Variants in WWTR1 observed in about 807,000 individuals in gnomAD.
The protein encoded by WWTR1 is WW domain-containing transcription regulator protein 1.
In WWTR1, 13 loss-of-function variants were observed where a neutral mutation model predicts 40.1. That is an observed-to-expected ratio of 0.32 (90% CI 0.21 to 0.52). WWTR1 has a LOEUF of 0.52. WWTR1 is among the 20% of genes least tolerant of loss of function. The pLI is 0.97. For synonymous variants in WWTR1, 230 were observed against 210.1 expected, an observed-to-expected ratio of 1.09 and a Z score of -0.82; for missense variants, 436 against 523.1, an observed-to-expected ratio of 0.83 and a Z score of 1.63.
At chr3:149,669,070 GTCCAAGTTTT>G (rs1240458103) in intron 2 of WWTR1, among the ~76,000 whole-genome samples, 1 of 152,158 alleles carries the variant, frequency 6.6e-6, no homozygotes, top group Non-Finnish European at 1.5e-5. Flanking sequence ...TTTGTACAGA[GTCCAAGTTTT>G]TACCTTTAGT....
chr3:149,662,375 G>T (rs1190341983), upstream of WWTR1, among the ~76,000 whole-genome samples: 1 of 152,114 alleles, frequency 6.6e-6, no homozygotes. Flanking sequence ...GCACACTCCT[G>T]CTGATAGATA....
chr3:149,522,921 CCAG>C (rs561084147), intron 6 of WWTR1, among the ~76,000 whole-genome samples: 1 of 151,940 alleles, frequency 6.6e-6, no homozygotes, highest in East Asian at 1.9e-4. Context: ...AAAAACAGTG[CCAG>C]GCATGGTGGC....
chr3:149,696,464 A>G (rs1714995489), intron 1 of WWTR1, among the ~76,000 whole-genome samples: 1 of 152,132 alleles, frequency 6.6e-6, no homozygotes, highest in African/African-American at 2.4e-5. Flanking sequence ...CCCCATTTTG[A>G]CCCCATTTTT....
intron 2 of WWTR1, among the ~76,000 whole-genome samples, chr3:149,590,315 C>G (rs1738633237): frequency 6.6e-6 from 1 of 152,050 alleles, no homozygotes; most frequent in Non-Finnish European, 1.5e-5. Flanking sequence ...ATGATCTTAA[C>G]TTGATCATTA....
intron 3 of WWTR1, among the ~76,000 whole-genome samples, chr3:149,546,418 T>A (rs938604588): frequency 6.6e-6 from 1 of 152,216 alleles, no homozygotes; most frequent in East Asian, 1.9e-4. Context: ...TTCCAATGTT[T>A]CTTAGAGATC....
intron 3 of WWTR1, among the ~76,000 whole-genome samples, chr3:149,545,511 C>T (rs1736324081): frequency 6.6e-6 from 1 of 152,058 alleles, no homozygotes; most frequent in Admixed American, 6.6e-5. Context: ...AGGTTGTTAA[C>T]CCTATGTTGT....
At chr3:149,656,079 A>C (rs1224172872) in intron 2 of WWTR1, among the ~76,000 whole-genome samples, 2 of 152,232 alleles carry the variant, frequency 1.3e-5, no homozygotes, top group African/African-American at 4.8e-5. Context: ...TTAGGGTACC[A>C]CAATTGAAAC....
intron 2 of WWTR1, among the ~76,000 whole-genome samples, chr3:149,603,313 A>C (rs764433476): frequency 1.7e-4 from 26 of 152,326 alleles, no homozygotes; most frequent in South Asian, 1.7e-3. Flanking sequence ...AGCTGGGCAG[A>C]GACATAAAGG....
At chr3:149,641,208 G>A (rs1316340579) in intron 2 of WWTR1, among the ~76,000 whole-genome samples, 1 of 151,886 alleles carries the variant, frequency 6.6e-6, no homozygotes, top group Non-Finnish European at 1.5e-5. Flanking sequence ...ATGATCTTTC[G>A]CTTCAGCTGA....
intron 4 of WWTR1, among the ~76,000 whole-genome samples, chr3:149,538,143 C>T (rs1735918027): frequency 6.6e-6 from 1 of 152,170 alleles, no homozygotes; most frequent in African/African-American, 2.4e-5. Flanking sequence ...TGGTCTCGAA[C>T]TCCTGACCTC....
chr3:149,574,276 G>T (rs913084218), intron 2 of WWTR1, among the ~76,000 whole-genome samples: 1 of 152,094 alleles, frequency 6.6e-6, no homozygotes, highest in African/African-American at 2.4e-5. Flanking sequence ...CTGAGCTCAA[G>T]TGATCCTCCC....
chr3:149,656,271 T>C (rs1713198753), intron 2 of WWTR1, among the ~76,000 whole-genome samples: 2 of 152,208 alleles, frequency 1.3e-5, no homozygotes, highest in African/African-American at 2.4e-5. Context: ...CTCCTAACAA[T>C]TTCCACACGA....
intron 4 of WWTR1, among the ~76,000 whole-genome samples, chr3:149,530,329 CAAAGCGAGACTCTGTCTCAAAAAAAGAAA>C (rs1735509830): frequency 6.8e-6 from 1 of 146,082 alleles, no homozygotes; most frequent in South Asian, 2.3e-4. Context: ...GCCTGGGCGA[CAAAGCGAGACTCTGTCTCAAAAAAAGAAA>C]AAAAAAATAC....
intron 3 of WWTR1, among the ~76,000 whole-genome samples, chr3:149,560,657 T>G (rs1449649369): frequency 6.6e-6 from 1 of 152,204 alleles, no homozygotes; most frequent in Admixed American, 6.5e-5. Context: ...TTTTTTTAAC[T>G]TTCTTTCTTT....
chr3:149,666,809 G>A (rs1713841090), intron 2 of WWTR1, among the ~76,000 whole-genome samples: 1 of 152,178 alleles, frequency 6.6e-6, no homozygotes, highest in South Asian at 2.1e-4. Context: ...TATTTCTTCT[G>A]TAGTTTCCTA....
At position 149,519,167 on chromosome 3, in the gene WWTR1, ATGCAGGCAGAC is replaced by A. The variant is rs1734924328; in HGVS notation, c.*1627_*1637del. 6.6e-6 allele frequency: 1 copy of A among 152,242 alleles called. No individual in the cohort carries two copies. The highest frequency in any genetic ancestry group is 6.5e-5 in the Admixed American group (1 of 15,282). The allele number at this position is 152,242 out of a possible 1,614,324, so 9.4% of individuals were successfully genotyped here. A position where few individuals can be genotyped will look rare whatever the true frequency, so the allele number is the denominator to read the frequency against. On this transcript the variant is annotated 3_prime_UTR_variant, in exon 7 of 7. Coordinates refer to ENST00000360632, the MANE Select transcript of WWTR1 (RefSeq NM_015472.6). ...TAAACAGTTGAGGACTTCATTGGCA[ATGCAGGCAGAC>A]TGCATGCCAGTTGAACATGATGCTC...
chr3:149,648,904 G>A (rs1446052712), intron 2 of WWTR1: 2 of 152,200 alleles, frequency 1.3e-5, no homozygotes, highest in Admixed American at 6.5e-5. Flanking sequence ...AGCTGCCTGC[G>A]GTGATAAAGC....
chr3:149,518,473 T>C lies in WWTR1; in HGVS notation c.*2332A>G, dbSNP rs1465997211. The C allele has an allele frequency of 6.6e-6, 1 of 152,174 alleles. No homozygotes were observed. Among genetic ancestry groups the C allele is most frequent in the Non-Finnish European group, 1.5e-5 (1 of 68,038 alleles). 9.4% of individuals were successfully genotyped at this position (152,174 alleles called of 1,614,324 possible). Reference sequence around the variant, plus strand: ...AATTTTTTATTTATTTATTTATTTTTAGCAAGAATGTACAATTCTTTTTGC... The same window carrying C: ...AATTTTTTATTTATTTATTTATTTTCAGCAAGAATGTACAATTCTTTTTGC... On this transcript the variant is annotated 3_prime_UTR_variant, in exon 7 of 7. Coordinates refer to ENST00000360632, the MANE Select transcript of WWTR1 (RefSeq NM_015472.6).
intron 3 of WWTR1, among the ~76,000 whole-genome samples, chr3:149,566,786 T>C (rs1409685219): frequency 6.6e-6 from 1 of 151,576 alleles, no homozygotes; most frequent in Non-Finnish European, 1.5e-5. Flanking sequence ...ATTTTCCATC[T>C]TGTCTTGAAA....
Sources: gnomAD v4.1 joint callset for allele counts (sites outside exome capture counted in the v4.1 genomes callset) on GRCh38, gnomAD v4.1.1 for gene constraint, MANE v1.5 for transcripts, NCBI Gene and HGNC (gene_info 2026-07-23, HGNC 2026-07-21) for gene names.